Variants in DSCAM observed in about 807,000 individuals in gnomAD.
The protein encoded by DSCAM is cell adhesion molecule DSCAM.
Under a neutral mutation model 217.7 loss-of-function variants are expected in DSCAM, and 47 were observed. The observed-to-expected ratio is 0.22, with a 90% CI of 0.17 to 0.28. The LOEUF (loss-of-function observed/expected upper bound fraction) is 0.28, where lower values mean the gene tolerates loss of function less well. Among genes scored for constraint, DSCAM ranks in the 10% least tolerant of loss-of-function variants. The pLI, the probability that DSCAM is intolerant of heterozygous loss-of-function variation, is 1.00. For synonymous variants in DSCAM, 1,056 were observed against 1,015.3 expected (o/e 1.04, Z -0.76); for missense variants, 2,080 against 2,618.3 (o/e 0.79, Z 4.49).
At chr21:40,649,308 C>A (rs1464699957) in intron 3 of DSCAM, among the ~76,000 whole-genome samples, 1 of 152,174 alleles carries the variant, frequency 6.6e-6, no homozygotes, top group Admixed American at 6.5e-5. Context: ...CACTCCAGAG[C>A]AGCAGGAGGC....
At chr21:40,498,679 A>ATATATATATGGGTG (rs2076141036) in intron 3 of DSCAM, among the ~76,000 whole-genome samples, 1 of 8,798 alleles carries the variant, frequency 1.1e-4, no homozygotes, top group African/African-American at 4.3e-4. Context: ...ATATATATAT[A>ATATATATATGGGTG]TATATATATA....
At position 40,620,127 on chromosome 21, in the gene DSCAM, GAGAGAGAA is replaced by G. The variant is rs1310935369; in HGVS notation, c.508+72675_508+72682del. Among the ~76,000 whole-genome samples, 40 of 79,972 alleles carry G rather than the reference GAGAGAGAA, an allele frequency of 5.0e-4. 2 individuals are homozygous for G. Among genetic ancestry groups the G allele is most frequent in the East Asian group, 6.3e-4 (1 of 1,580 alleles). The allele number at this position is 79,972 out of a possible 152,430, so 52.5% of individuals were successfully genotyped here. A position where few individuals can be genotyped will look rare whatever the true frequency, so the allele number is the denominator to read the frequency against. Reference sequence around the variant, plus strand: ...GAGAAAAAAGAAAAAGAAAGAAAGAGAGAGAGAAAGAGAGAGAAAAAAGAAAAAGAAAG... The same window carrying G: ...GAGAAAAAAGAAAAAGAAAGAAAGAGAGAGAGAGAAAAAAGAAAAAGAAAG... On this transcript the variant is annotated intron_variant, in intron 3 of 32. Coordinates refer to ENST00000400454, the MANE Select transcript of DSCAM (RefSeq NM_001389.5).
intron 3 of DSCAM, among the ~76,000 whole-genome samples, chr21:40,533,697 TCATC>T (rs2076472580): frequency 8.0e-6 from 1 of 125,522 alleles, no homozygotes; most frequent in South Asian, 2.7e-4. Flanking sequence ...ATCCATCCAT[TCATC>T]CATCCATCCA....
intron 3 of DSCAM, among the ~76,000 whole-genome samples, chr21:40,487,548 C>T (rs1234302570): frequency 1.3e-5 from 2 of 152,038 alleles, no homozygotes; most frequent in East Asian, 3.9e-4. Context: ...TGAGAGTAAT[C>T]AGAGCTACTC....
intron 3 of DSCAM, among the ~76,000 whole-genome samples, chr21:40,375,538 T>G (rs995013953): frequency 6.6e-6 from 1 of 152,232 alleles, no homozygotes; most frequent in Non-Finnish European, 1.5e-5. Flanking sequence ...TAAGTCAAAT[T>G]TCCAGCAAAG....
chr21:40,720,523 T>A (rs181128512), intron 1 of DSCAM, among the ~76,000 whole-genome samples: 48 of 152,308 alleles, frequency 3.2e-4, no homozygotes, highest in Admixed American at 1.2e-3. Context: ...TTTCACTCAT[T>A]CTATCTACTC....
At chr21:40,163,363 C>G (rs570092255) in intron 16 of DSCAM, among the ~76,000 whole-genome samples, 2 of 152,130 alleles carry the variant, frequency 1.3e-5, no homozygotes. Flanking sequence ...AGAAACAAAA[C>G]CTGCCATGAA....
intron 3 of DSCAM, among the ~76,000 whole-genome samples, chr21:40,595,568 G>A (rs139499588): frequency 6.6e-6 from 1 of 152,142 alleles, no homozygotes; most frequent in Admixed American, 6.5e-5. Flanking sequence ...CTGAAGGCCA[G>A]GGTGCTGTTT....
chr21:40,557,099 G>A (rs1351367022), intron 3 of DSCAM, among the ~76,000 whole-genome samples: 1 of 152,066 alleles, frequency 6.6e-6, no homozygotes. Flanking sequence ...TGTTGTTGAA[G>A]GGTCAACTGT....
chr21:40,656,107 TG>T (rs568043615), intron 3 of DSCAM, among the ~76,000 whole-genome samples: 25 of 152,270 alleles, frequency 1.6e-4, no homozygotes, highest in African/African-American at 6.0e-4. Flanking sequence ...GTGCTCATGA[TG>T]TAATCATTTC....
chr21:40,121,816 C>A (rs768693697), intron 20 of DSCAM, among the ~76,000 whole-genome samples: 53 of 151,072 alleles, frequency 3.5e-4, no homozygotes, highest in Non-Finnish European at 6.6e-4. Flanking sequence ...CAGCTCCTCC[C>A]AAGTACCTGA....
chr21:40,560,905 G>C (rs1039471460), intron 3 of DSCAM, among the ~76,000 whole-genome samples: 1 of 152,120 alleles, frequency 6.6e-6, no homozygotes, highest in African/African-American at 2.4e-5. Flanking sequence ...TCACACCACG[G>C]TAAAGCCAAA....
intron 15 of DSCAM, among the ~76,000 whole-genome samples, chr21:40,176,267 G>A (rs2090729132): frequency 6.6e-6 from 1 of 152,118 alleles, no homozygotes; most frequent in Non-Finnish European, 1.5e-5. Flanking sequence ...AAAGGCAGGT[G>A]AGTGCTGGGC....
chr21:40,566,397 T>C (rs977480319), intron 3 of DSCAM, among the ~76,000 whole-genome samples: 3 of 152,190 alleles, frequency 2.0e-5, no homozygotes, highest in African/African-American at 7.2e-5. Flanking sequence ...CTGCCAGACA[T>C]TGCTGAACTT....
chr21:40,100,864 T>C (rs2089741189), intron 20 of DSCAM, among the ~76,000 whole-genome samples: 1 of 152,194 alleles, frequency 6.6e-6, no homozygotes, highest in African/African-American at 2.4e-5. Context: ...TCATCTTCTT[T>C]AGAGTTAAGA....
intron 2 of DSCAM, among the ~76,000 whole-genome samples, chr21:40,702,139 T>A (rs1285541886): frequency 6.6e-6 from 1 of 152,170 alleles, no homozygotes; most frequent in Non-Finnish European, 1.5e-5. Flanking sequence ...TTTACAATAG[T>A]CATATCCTCT....
chr21:40,131,793 G>C (rs1038708089), intron 19 of DSCAM, among the ~76,000 whole-genome samples: 2 of 152,108 alleles, frequency 1.3e-5, no homozygotes, highest in African/African-American at 4.8e-5. Flanking sequence ...GGGGTAACTG[G>C]GGTACCCAAG....
At chr21:40,617,119 C>CTTTTT (rs1178735630) in intron 3 of DSCAM, among the ~76,000 whole-genome samples, 2 of 112,660 alleles carry the variant, frequency 1.8e-5, no homozygotes, top group African/African-American at 7.3e-5. Flanking sequence ...CAGAACCAGT[C>CTTTTT]TTTTTTTTTT....
intron 3 of DSCAM, among the ~76,000 whole-genome samples, chr21:40,538,718 C>T (rs11908774): frequency 0.12 from 17,614 of 152,040 alleles, 1,784 homozygotes; most frequent in African/African-American, 0.26. Context: ...TCATCAAGGC[C>T]GTGGTGTTCA....
Sources: gnomAD v4.1 joint callset for allele counts (sites outside exome capture counted in the v4.1 genomes callset) on GRCh38, gnomAD v4.1.1 for gene constraint, MANE v1.5 for transcripts, NCBI Gene and HGNC (gene_info 2026-07-23, HGNC 2026-07-21) for gene names.